Variants in SP3 observed in about 807,000 individuals in gnomAD.
SP3 encodes the protein Sp3 transcription factor.
In SP3, 10 loss-of-function variants were observed where a neutral mutation model predicts 70.3. The observed-to-expected ratio is 0.14, with a 90% CI of 0.09 to 0.24. The LOEUF is 0.24. Among genes scored for constraint, SP3 ranks in the 10% least tolerant of loss-of-function variants. The pLI is 1.00. For missense variants in SP3, 825 were observed against 914.6 expected (o/e 0.90, Z 1.26); for synonymous variants, 402 against 333.5 (o/e 1.21, Z -2.24).
rs189227123 is a variant in SP3 at position 173,905,223 on chromosome 2, A to G, written c.*4718T>C. ...CATAGTCAAACAATGAAAATTCTAA[A>G]ACACTTCACTACAGAAAAATGGAAT... On this transcript the variant is annotated 3_prime_UTR_variant, in exon 7 of 7. Transcript: ENST00000310015. Among the ~76,000 whole-genome samples, 232 of 152,334 alleles carry G rather than the reference A, an allele frequency of 1.5e-3. 1 individual carries two copies. The highest frequency in any genetic ancestry group is 5.4e-3 in the African/African-American group (224 of 41,576).
chr2:173,937,445 T>C (rs1690239678), intron 4 of SP3, among the ~76,000 whole-genome samples: 1 of 152,120 alleles, frequency 6.6e-6, no homozygotes, highest in Non-Finnish European at 1.5e-5. Context: ...CTTCCACTTG[T>C]GAATCAAGTA....
intron 5 of SP3, chr2:173,914,813 C>G (rs73028221): frequency 6.6e-6 from 1 of 152,230 alleles, no homozygotes; most frequent in East Asian, 1.9e-4. Flanking sequence ...CAAAGTCTTA[C>G]TAACCAAAGC....
At position 173,918,548 on chromosome 2, in the gene SP3, A is replaced by C. The variant is rs777594306; in HGVS notation, c.1832+45T>G. ...ATGCAGTATTTCAAAAATCAGAATG[A>C]TATTAGCACTCTTAAAAATATATAT... is the stretch of plus-strand genomic sequence containing the variant. On this transcript the variant is annotated intron_variant, in intron 5 of 6. Transcript: ENST00000310015. 4 of 1,541,908 alleles carry C rather than the reference A, an allele frequency of 2.6e-6. No homozygotes were observed. In the South Asian group the frequency reaches 4.8e-5, roughly 19 times the overall value.
chr2:173,955,300 C>A lies in SP3; in HGVS notation c.1212G>T (p.Gln404His). 1 of 1,614,054 alleles carries A rather than the reference C, an allele frequency of 6.2e-7. No homozygotes were observed. The highest frequency in any genetic ancestry group is 8.5e-7 in the Non-Finnish European group (1 of 1,180,020). The stretch of plus-strand genomic sequence containing the variant: ...CAATTTGGGCTTGACTGGTTGGCTG[C>A]TGAGACTCTTGAAGTTGTAGATGCT... Reference protein sequence around the residue: ...VVQHLQLQESQQPTSQAQIVQ... With the variant: ...VVQHLQLQESHQPTSQAQIVQ... Residue 404 changes from glutamine (Q) to histidine (H), a missense_variant, in exon 4 of 7, where the codon CAG (glutamine) becomes CAT (histidine). Physicochemically the swap from Gln to His is conservative, Grantham distance 24. This residue lies in a region of SP3 where 678 missense variants were observed against 651.6 expected (regional missense o/e 1.04). Coordinates refer to ENST00000310015, the MANE Select transcript of SP3 (RefSeq NM_003111.5).
intron 4 of SP3, among the ~76,000 whole-genome samples, chr2:173,944,084 A>T (rs2105485809): frequency 6.6e-6 from 1 of 152,354 alleles, no homozygotes; most frequent in African/African-American, 2.4e-5. Context: ...CTGCTGACTG[A>T]AACATCATTA....
At chr2:173,947,214 TC>T (rs1158148231) in intron 4 of SP3, among the ~76,000 whole-genome samples, 4 of 152,226 alleles carry the variant, frequency 2.6e-5, no homozygotes, top group Admixed American at 2.6e-4. Flanking sequence ...AGCCATTATT[TC>T]ATCAAACATT....
At chr2:173,914,829 T>C (rs571225101) in intron 5 of SP3, 15 of 152,306 alleles carry the variant, frequency 9.8e-5, no homozygotes, top group African/African-American at 2.2e-4. Context: ...AAAGCCAATA[T>C]TGATTCCATT....
intron 6 of SP3, among the ~76,000 whole-genome samples, chr2:173,912,339 T>G (rs954347048): frequency 1.3e-5 from 2 of 152,248 alleles, no homozygotes; most frequent in East Asian, 3.8e-4. Flanking sequence ...TGGATTGGAA[T>G]CCAGATGACT....
At chr2:173,954,353 A>G (rs920520438) in intron 4 of SP3, among the ~76,000 whole-genome samples, 4 of 152,196 alleles carry the variant, frequency 2.6e-5, no homozygotes, top group African/African-American at 9.7e-5. Context: ...TCACCTAGAC[A>G]GTTACCTAGT....
chr2:173,964,580 G>T, intron 1 of SP3, 27 bp from the exon 2 acceptor site: 1 of 667,956 alleles, frequency 1.5e-6, no homozygotes. Flanking sequence ...GGGGGGTGGG[G>T]GTGGGGAGGA....
chr2:173,910,916 C>T (rs561144674), intron 6 of SP3, among the ~76,000 whole-genome samples: 10 of 152,274 alleles, frequency 6.6e-5, no homozygotes, highest in South Asian at 2.1e-4. Context: ...AAAAGACAGA[C>T]TGAACTTCTA....
intron 4 of SP3, among the ~76,000 whole-genome samples, chr2:173,945,390 G>A (rs1192816976): frequency 2.0e-5 from 3 of 152,032 alleles, no homozygotes; most frequent in Non-Finnish European, 4.4e-5. Context: ...ACTAAAAAAA[G>A]TCTAGTAAGA....
chr2:173,913,018 G>A, intron 6 of SP3, 52 bp downstream of exon 6: 4 of 1,364,578 alleles, frequency 2.9e-6, no homozygotes, highest in Non-Finnish European at 3.9e-6. Flanking sequence ...AGTCAAGGCA[G>A]TTATGTAGCC....
At chr2:173,943,056 G>C (rs1004319740) in intron 4 of SP3, among the ~76,000 whole-genome samples, 1 of 152,012 alleles carries the variant, frequency 6.6e-6, no homozygotes, top group East Asian at 1.9e-4. Flanking sequence ...GGTGTAGGGA[G>C]TATCCTAGAA....
At chr2:173,913,006 G>GAAGTC in intron 6 of SP3, 64 bp downstream of exon 6, 2 of 1,236,956 alleles carry the variant, frequency 1.6e-6, no homozygotes, top group Non-Finnish European at 2.2e-6. Flanking sequence ...TAATAAAAAA[G>GAAGTC]AAGTCAAGGC....
intron 4 of SP3, among the ~76,000 whole-genome samples, chr2:173,940,282 T>C (rs952663513): frequency 6.6e-6 from 1 of 152,108 alleles, no homozygotes; most frequent in African/African-American, 2.4e-5. Context: ...GGTTTCAGGG[T>C]GAAACTGTTC....
intron 4 of SP3, among the ~76,000 whole-genome samples, chr2:173,922,687 G>A (rs939643906): frequency 6.6e-6 from 1 of 152,064 alleles, no homozygotes; most frequent in African/African-American, 2.4e-5. Flanking sequence ...ATTTCGGGAA[G>A]AACTTAACTG....
intron 4 of SP3, among the ~76,000 whole-genome samples, chr2:173,925,956 G>A (rs1393940224): frequency 6.6e-6 from 1 of 152,186 alleles, no homozygotes; most frequent in Non-Finnish European, 1.5e-5. Context: ...ATAAGCAGCT[G>A]TAACTCACAA....
chr2:173,937,537 A>T (rs1418308865), intron 4 of SP3, among the ~76,000 whole-genome samples: 1 of 152,174 alleles, frequency 6.6e-6, no homozygotes, highest in Non-Finnish European at 1.5e-5. Flanking sequence ...AACCAAAATT[A>T]AAGTCCAATC....
Sources: gnomAD v4.1 joint callset for allele counts (sites outside exome capture counted in the v4.1 genomes callset) on GRCh38, gnomAD v4.1.1 for gene constraint, gnomAD v4.1.1 regional missense constraint, MANE v1.5 for transcripts, NCBI Gene and HGNC (gene_info 2026-07-23, HGNC 2026-07-21) for gene names.